RAB11FIP2: variants seen among roughly 807,000 people sequenced by gnomAD.
RAB11FIP2 encodes rab11 family-interacting protein 2.
A neutral mutation model predicts 40.9 loss-of-function variants in RAB11FIP2; 16 were observed. The observed-to-expected ratio is 0.39, with a 90% CI of 0.26 to 0.59. The LOEUF (loss-of-function observed/expected upper bound fraction) is 0.59, where lower values mean the gene tolerates loss of function less well. RAB11FIP2 is among the 20% of genes least tolerant of loss of function. RAB11FIP2 has a pLI of 0.53. For missense variants in RAB11FIP2, 532 were observed against 606.2 expected (o/e 0.88, Z 1.28); for synonymous variants, 228 against 213.7 (o/e 1.07, Z -0.58).
Position 118,039,331 on chromosome 10 carries a change from G to A in RAB11FIP2, c.906C>T (p.Asp302=). The A allele has an allele frequency of 6.2e-7, 1 of 1,613,600 alleles. No homozygotes were observed. The stretch of plus-strand genomic sequence containing the variant: ...ATGAAGCAGTCACATTTGTAAATGG[G>A]TCATTTTGTCTTCCGAAACACAATT... ...EGELCFGRQN[D]PFTNVTASLP... Residue 302 remains aspartate, a synonymous_variant, in exon 3 of 5, where the codon GAC becomes GAT. Coordinates refer to ENST00000355624, the MANE Select transcript of RAB11FIP2 (RefSeq NM_014904.3).
At chr10:118,020,681 T>C (rs1418634833) in intron 3 of RAB11FIP2, among the ~76,000 whole-genome samples, 1 of 152,214 alleles carries the variant, frequency 6.6e-6, no homozygotes, top group African/African-American at 2.4e-5. Flanking sequence ...AAGCATGCAA[T>C]GCTGGTCCCT....
intron 3 of RAB11FIP2, among the ~76,000 whole-genome samples, chr10:118,023,302 A>G (rs1289071499): frequency 6.6e-6 from 1 of 152,246 alleles, no homozygotes; most frequent in Non-Finnish European, 1.5e-5. Flanking sequence ...AGATTCCACT[A>G]AAGAGATTTC....
intron 3 of RAB11FIP2, among the ~76,000 whole-genome samples, chr10:118,029,500 C>T (rs1480862139): frequency 1.3e-5 from 2 of 152,090 alleles, no homozygotes. Flanking sequence ...ATACAATGTC[C>T]AACCCTTAAT....
chr10:118,006,664 T>C lies in RAB11FIP2; in HGVS notation c.*2334A>G, dbSNP rs1156362864. On this transcript the variant is annotated 3_prime_UTR_variant, in exon 5 of 5. Coordinates refer to ENST00000355624, the MANE Select transcript of RAB11FIP2 (RefSeq NM_014904.3). ...ATTATTTTGACTGATTATGAAAATA[T>C]GCAATAAGTTTACTCTAGGTAATGA... 1 of 152,132 alleles carries C rather than the reference T, an allele frequency of 6.6e-6. No individual in the cohort carries two copies. Among genetic ancestry groups the C allele is most frequent in the Non-Finnish European group, 1.5e-5 (1 of 67,966 alleles). 9.4% of individuals were successfully genotyped at this position (152,132 alleles called of 1,614,324 possible). A position where few individuals can be genotyped will look rare whatever the true frequency, so the allele number is the denominator to read the frequency against.
In RAB11FIP2 at chr10:118,039,116, T is replaced by G; in HGVS notation, c.1121A>C (p.Lys374Thr). 4 of 1,613,838 alleles carry G rather than the reference T, an allele frequency of 2.5e-6. No homozygotes were observed. Among genetic ancestry groups the G allele is most frequent in the Non-Finnish European group, 3.4e-6 (4 of 1,179,816 alleles). ...TGKKDSRRSD[K>T]LNNGGSDSPC... ...GCTATCAGATCCCCCATTGTTAAGTTTATCAGATCTTCTGCTATCTTTTTT... is the reference window on the plus strand; with the variant it reads ...GCTATCAGATCCCCCATTGTTAAGTGTATCAGATCTTCTGCTATCTTTTTT... The change falls in exon 3 of 5, where the codon AAA (lysine) becomes ACA (threonine). Residue 374 changes from lysine (K) to threonine (T), a missense_variant. Physicochemically the swap from Lys to Thr is moderately conservative, Grantham distance 78 (BLOSUM62 -1). Coordinates refer to ENST00000355624, the MANE Select transcript of RAB11FIP2 (RefSeq NM_014904.3).
At chr10:118,018,900 TTTTTTTTG>T (rs1346251393) in intron 3 of RAB11FIP2, among the ~76,000 whole-genome samples, 4 of 151,658 alleles carry the variant, frequency 2.6e-5, no homozygotes, top group Non-Finnish European at 4.4e-5. Context: ...TCAAAGTGGG[TTTTTTTTG>T]TTTTTTTGTT....
rs1367922520 is a variant in RAB11FIP2, at chr10:118,046,922, C to T, written c.-759G>A. On this transcript the variant is annotated 5_prime_UTR_variant, in exon 1 of 5. It removes an upstream start codon present in the reference 5' UTR. Coordinates refer to ENST00000355624, the MANE Select transcript of RAB11FIP2 (RefSeq NM_014904.3). ...GCGGCACTTCCGGGTTGGCCTTCTCCATGTTGGTCTCGGGAACGTGAAGGG... is the reference window on the plus strand; with the variant it reads ...GCGGCACTTCCGGGTTGGCCTTCTCTATGTTGGTCTCGGGAACGTGAAGGG... 6.5e-6 allele frequency: 1 copy of T among 153,314 alleles called. No individual in the cohort carries two copies. Among genetic ancestry groups the T allele is most frequent in the East Asian group, 1.9e-4 (1 of 5,194 alleles). 9.5% of individuals were successfully genotyped at this position (153,314 alleles called of 1,614,324 possible).
chr10:118,024,089 T>TA (rs11410516), intron 3 of RAB11FIP2, among the ~76,000 whole-genome samples: 24,235 of 126,844 alleles, frequency 0.19, 2,433 homozygotes, highest in Middle Eastern at 0.27. Context: ...GACTCTGTCT[T>TA]AAAAAAAAAA....
chr10:118,040,574 GAA>G lies in RAB11FIP2; in HGVS notation c.354-11_354-10del. On this transcript the variant is annotated splice_polypyrimidine_tract_variant and intron_variant, in intron 1 of 4. Transcript: ENST00000355624. ...ATTCTAATCTAAACCACCTTAAAGA[GAA>G]GAAAAAAAAATTGGCTGTAACACAT... The G allele has an allele frequency of 6.4e-7, 1 of 1,552,358 alleles. No homozygotes were observed. The highest frequency in any genetic ancestry group is 8.7e-7 in the Non-Finnish European group (1 of 1,151,522).
At chr10:118,044,821 A>G (rs1476176711) in intron 1 of RAB11FIP2, among the ~76,000 whole-genome samples, 2 of 152,170 alleles carry the variant, frequency 1.3e-5, no homozygotes, top group Non-Finnish European at 2.9e-5. Flanking sequence ...AAATTCAATT[A>G]TAACTGAACA....
rs766566869 is a variant in RAB11FIP2 at position 118,040,261 on chromosome 10, G to C, written c.658C>G (p.Gln220Glu). ...ATTGAATGCGCTGACGAGAGTCGCT[G>C]AGGACCCAAGAGAAAAGGCTTTTTT... Reference protein sequence around the residue: ...KPKKPFLLGPQRLSSAHSMSD... With the variant: ...KPKKPFLLGPERLSSAHSMSD... The change falls in exon 2 of 5, where the codon CAG becomes GAG. Residue 220 changes from glutamine to glutamate, a missense_variant. By Grantham distance (29) the Gln-to-Glu change is conservative. Transcript: ENST00000355624. The C allele has an allele frequency of 6.2e-7, 1 of 1,613,840 alleles. No individual in the cohort carries two copies. Among genetic ancestry groups the C allele is most frequent in the East Asian group, 2.2e-5 (1 of 44,876 alleles).
chr10:118,038,110 C>T (rs930380971), intron 3 of RAB11FIP2, among the ~76,000 whole-genome samples: 1 of 151,822 alleles, frequency 6.6e-6, no homozygotes, highest in South Asian at 2.1e-4. Flanking sequence ...GGGGGGCCAA[C>T]TATACTTAAG....
rs114502427 is a variant in RAB11FIP2, at chr10:118,009,372, T to C, written c.1312-147A>G. Reference sequence around the variant, plus strand: ...TAAAGTGAATGTGACAGTTCACAAATTGGCTAGCCAGTCCTGAGGCAAGAA... The same window carrying C: ...TAAAGTGAATGTGACAGTTCACAAACTGGCTAGCCAGTCCTGAGGCAAGAA... On this transcript the variant is annotated intron_variant, in intron 4 of 4. Transcript: ENST00000355624. 6.3e-4 allele frequency: 472 copies of C among 747,306 alleles called. 1 individual carries two copies. The African/African-American group carries it at 7.3e-3, about 12-fold the overall frequency. 46.3% of individuals were successfully genotyped at this position (747,306 alleles called of 1,614,324 possible). A position where few individuals can be genotyped will look rare whatever the true frequency, so the allele number is the denominator to read the frequency against.
intron 3 of RAB11FIP2, chr10:118,034,088 GTC>G (rs1231553001): frequency 1.4e-6 from 1 of 697,934 alleles, no homozygotes; most frequent in South Asian, 1.5e-5. Flanking sequence ...GGGCCATATG[GTC>G]TCTGTCACAA....
chr10:118,018,874 C>A (rs1046623110), intron 3 of RAB11FIP2, among the ~76,000 whole-genome samples: 2 of 152,074 alleles, frequency 1.3e-5, no homozygotes, highest in Non-Finnish European at 2.9e-5. Context: ...GTAATCACTA[C>A]GGCATGTGGC....
At chr10:118,015,168 A>C in intron 3 of RAB11FIP2, 58 bp from the exon 4 acceptor site, 1 of 1,443,196 alleles carries the variant, frequency 6.9e-7, no homozygotes, top group Non-Finnish European at 9.6e-7. Flanking sequence ...GGAAACATAA[A>C]AATAGAAAAA....
rs1054209104 is a variant in RAB11FIP2, at chr10:118,046,300, T to C, written c.-137A>G. The C allele has an allele frequency of 1.2e-5, 9 of 768,222 alleles. No homozygotes were observed. The African/African-American group carries it at 1.4e-4, about 12-fold the overall frequency. The allele number at this position is 768,222 out of a possible 1,614,324, so 47.6% of individuals were successfully genotyped here. On this transcript the variant is annotated 5_prime_UTR_variant, in exon 1 of 5. Transcript: ENST00000355624. ...GGCTCAGGGCTCCCCGACTTCCCTA[T>C]GGCTGATGTCAAAACGCCTCGCGGG...
chr10:118,030,227 C>T (rs369918529), intron 3 of RAB11FIP2, among the ~76,000 whole-genome samples: 1 of 152,086 alleles, frequency 6.6e-6, no homozygotes, highest in Admixed American at 6.6e-5. Flanking sequence ...CTCTCAAATG[C>T]TACCTTAAAA....
At chr10:118,041,252 GA>G (rs890734091) in intron 1 of RAB11FIP2, among the ~76,000 whole-genome samples, 66 of 142,930 alleles carry the variant, frequency 4.6e-4, no homozygotes, top group African/African-American at 1.1e-3. Context: ...TTTTCAAAAG[GA>G]AAAAAAAAAA....
Sources: allele counts gnomAD v4.1 joint callset (sites outside exome capture counted in the v4.1 genomes callset), GRCh38; gene constraint gnomAD v4.1.1; transcripts MANE v1.5; gene names NCBI Gene and HGNC (gene_info 2026-07-23, HGNC 2026-07-21).